The following RAB40C variants were observed in gnomAD, a reference collection of about 807,000 sequenced individuals.
RAB40C encodes the protein ras-related protein Rab-40C.
A neutral mutation model predicts 28.1 loss-of-function variants in RAB40C; 8 were observed. That is an observed-to-expected ratio of 0.28 (90% CI 0.17 to 0.51). RAB40C has a LOEUF of 0.51. Ranked by LOEUF, RAB40C falls within the 20% of genes least tolerant of loss-of-function variation. The pLI is 0.97. For synonymous variants in RAB40C, 201 were observed against 171.7 expected, an observed-to-expected ratio of 1.17 and a Z score of -1.34; for missense variants, 288 against 405.9, an observed-to-expected ratio of 0.71 and a Z score of 2.50.
intron 4 of RAB40C, 86 bp from the exon 5 acceptor site, chr16:625,813 G>A: frequency 1.5e-6 from 2 of 1,317,936 alleles, no homozygotes; most frequent in Non-Finnish European, 2.1e-6. Flanking sequence ...CCCCATCATA[G>A]TCCAGACAAT....
intron 1 of RAB40C, among the ~76,000 whole-genome samples, chr16:611,741 G>A (rs1327142984): frequency 2.3e-5 from 2 of 88,864 alleles, no homozygotes; most frequent in Non-Finnish European, 4.5e-5. Context: ...AGGGACAGCC[G>A]CCCTGGCCTG....
At chr16:604,078 G>C (rs1226200741) in intron 1 of RAB40C, among the ~76,000 whole-genome samples, 6 of 136,280 alleles carry the variant, frequency 4.4e-5, no homozygotes, top group Admixed American at 3.2e-4. Context: ...TTTTTTTTGA[G>C]ACTCTCGTTC....
intron 1 of RAB40C, among the ~76,000 whole-genome samples, chr16:595,847 C>G (rs1374860573): frequency 6.6e-6 from 1 of 152,312 alleles, no homozygotes; most frequent in African/African-American, 2.4e-5. Flanking sequence ...GTGATCCACC[C>G]TCCTCGGCCT....
chr16:601,110 A>G (rs2036240187), intron 1 of RAB40C, among the ~76,000 whole-genome samples: 1 of 152,232 alleles, frequency 6.6e-6, no homozygotes, highest in Non-Finnish European at 1.5e-5. Flanking sequence ...ACCGTTCAGT[A>G]AATGGGCCTG....
chr16:626,989 C>T (rs11639717), intron 5 of RAB40C, among the ~76,000 whole-genome samples: 32,242 of 152,082 alleles, frequency 0.21, 3,858 homozygotes, highest in African/African-American at 0.3. Flanking sequence ...TCAGGACGCG[C>T]GCTCCCCCGC....
At chr16:616,693 CTGGG>C (rs2036593317) in intron 1 of RAB40C, 1 of 154,176 alleles carries the variant, frequency 6.5e-6, no homozygotes, top group Non-Finnish European at 1.4e-5. Flanking sequence ...TTGGCAGTTC[CTGGG>C]CTGCAGTAAG....
At chr16:613,052 C>T (rs9674305) in intron 1 of RAB40C, among the ~76,000 whole-genome samples, 37 of 123,792 alleles carry the variant, frequency 3.0e-4, no homozygotes, top group African/African-American at 1.2e-3. Context: ...GACAGCCGCC[C>T]TGGCCTGTAG....
intron 1 of RAB40C, among the ~76,000 whole-genome samples, chr16:594,808 G>A (rs2036076170): frequency 6.7e-6 from 1 of 148,654 alleles, no homozygotes; most frequent in Admixed American, 6.7e-5. Context: ...ATTAGGTTTT[G>A]CTCGTCTTCC....
intron 1 of RAB40C, among the ~76,000 whole-genome samples, chr16:594,085 C>T (rs1323692957): frequency 6.6e-6 from 1 of 152,122 alleles, no homozygotes; most frequent in Admixed American, 6.5e-5. Context: ...CCCAGCCGCT[C>T]CCGCTCTGCA....
Position 625,518 on chromosome 16 carries a change from G to T in RAB40C, c.342+9G>T. 6.2e-7 allele frequency: 1 copy of T among 1,612,906 alleles called. No individual in the cohort carries two copies. On this transcript the variant is annotated intron_variant, in intron 4 of 5. Transcript: ENST00000248139. ...TCAAGGAGATCGATGAGGTAGGCCT[G>T]GGTCCGGGGAGCCCTCCCGGGGAAG...
intron 3 of RAB40C, among the ~76,000 whole-genome samples, chr16:621,540 G>A (rs574321250): frequency 3.9e-5 from 6 of 152,338 alleles, no homozygotes; most frequent in Admixed American, 6.5e-5. Flanking sequence ...CTCTTCCCGC[G>A]AGGCCCTTCA....
At chr16:590,485 G>A (rs1192027015) in intron 1 of RAB40C, 52 bp downstream of exon 1, 3 of 1,473,864 alleles carry the variant, frequency 2.0e-6, no homozygotes, top group Non-Finnish European at 2.7e-6. Context: ...AGCCCGGCGA[G>A]CTGGGCACGG....
chr16:594,714 G>A (rs540404511), intron 1 of RAB40C, among the ~76,000 whole-genome samples: 5 of 152,154 alleles, frequency 3.3e-5, no homozygotes, highest in South Asian at 4.1e-4. Context: ...CTGGACAGCC[G>A]TGCGTGGCTT....
intron 1 of RAB40C, among the ~76,000 whole-genome samples, chr16:613,763 G>A (rs1051764731): frequency 2.6e-5 from 4 of 151,974 alleles, no homozygotes; most frequent in African/African-American, 4.8e-5. Context: ...AGTGGGAGTC[G>A]TGGGCAACAC....
chr16:606,502 A>G (rs896181935), intron 1 of RAB40C, among the ~76,000 whole-genome samples: 4 of 148,836 alleles, frequency 2.7e-5, no homozygotes, highest in Non-Finnish European at 1.5e-5. Context: ...GCTGACACAC[A>G]GTCCTCTCGG....
chr16:615,588 A>G lies in RAB40C; in HGVS notation c.143-1620A>G, dbSNP rs141032788. On this transcript the variant is annotated intron_variant, in intron 1 of 5. Coordinates refer to ENST00000248139, the MANE Select transcript of RAB40C (RefSeq NM_021168.5). ...CTGTTTAAGATGTCGTGCCTGCGTT[A>G]AGTGTCCAGAACTGTCTGCTCCTTT... is the stretch of plus-strand genomic sequence containing the variant. 5.0e-3 allele frequency among the ~76,000 whole-genome samples: 763 copies of G among 152,304 alleles called. 1 individual carries two copies. Among genetic ancestry groups the G allele is most frequent in the Non-Finnish European group, 8.4e-3 (574 of 68,026 alleles).
At chr16:593,717 T>C (rs539581620) in intron 1 of RAB40C, among the ~76,000 whole-genome samples, 1 of 152,352 alleles carries the variant, frequency 6.6e-6, no homozygotes, top group South Asian at 2.1e-4. Flanking sequence ...GCCCAGCACC[T>C]GTGGGAGCCC....
chr16:591,674 C>T (rs1216437948), intron 1 of RAB40C, among the ~76,000 whole-genome samples: 2 of 151,888 alleles, frequency 1.3e-5, no homozygotes, highest in African/African-American at 4.8e-5. Flanking sequence ...TCACTGCAAC[C>T]TCCGCCTCCT....
intron 1 of RAB40C, among the ~76,000 whole-genome samples, chr16:602,183 A>T (rs552500236): frequency 1.3e-5 from 2 of 152,010 alleles, no homozygotes; most frequent in Non-Finnish European, 2.9e-5. Context: ...TATATGCTTG[A>T]TATCTTAAGT....
Sources: allele counts gnomAD v4.1 joint callset (sites outside exome capture counted in the v4.1 genomes callset), GRCh38; gene constraint gnomAD v4.1.1; transcripts MANE v1.5; gene names NCBI Gene and HGNC (gene_info 2026-07-23, HGNC 2026-07-21).